The following EXD3 variants were observed in gnomAD, a reference collection of about 807,000 sequenced individuals.
EXD3 encodes the protein exonuclease 3'-5' domain containing 3.
EXD3 carries 92 observed loss-of-function variants against 98.0 expected under a neutral mutation model. The ratio of observed to expected loss-of-function variants is 0.94; its 90% CI spans 0.79 to 1.12. EXD3 has a LOEUF of 1.12. Among genes scored for constraint, EXD3 ranks in the 50% most tolerant of loss-of-function variants. The pLI, the probability that EXD3 is intolerant of heterozygous loss-of-function variation, is 0.00. For synonymous variants in EXD3, 569 were observed against 526.0 expected (o/e 1.08, Z -1.12); for missense variants, 1,222 against 1,191.6 (o/e 1.03, Z -0.38).
intron 10 of EXD3, chr9:137,353,879 GCGTGGGTTCCCA>G: frequency 1.0e-6 from 1 of 989,262 alleles, no homozygotes; most frequent in African/African-American, 1.7e-5. Flanking sequence ...TGCTTCCCCG[GCGTGGGTTCCCA>G]CGTGGACGAC....
intron 1 of EXD3, among the ~76,000 whole-genome samples, chr9:137,416,541 G>A (rs1226291271): frequency 2.0e-5 from 3 of 152,188 alleles, no homozygotes; most frequent in South Asian, 2.1e-4. Flanking sequence ...GCTGGTCCCC[G>A]GGCAGGCATC....
chr9:137,318,885 G>A (rs973881063), intron 19 of EXD3, among the ~76,000 whole-genome samples: 70 of 152,364 alleles, frequency 4.6e-4, no homozygotes, highest in African/African-American at 1.6e-3. Flanking sequence ...TTTGGGCTCA[G>A]CCATGAGCGC....
chr9:137,352,711 C>G lies in EXD3; in HGVS notation c.946G>C (p.Ala316Pro). 1 of 1,568,062 alleles carries G rather than the reference C, an allele frequency of 6.4e-7. No individual in the cohort carries two copies. Among genetic ancestry groups the G allele is most frequent in the Non-Finnish European group, 8.6e-7 (1 of 1,158,060 alleles). The change falls in exon 11 of 22, where the codon GCC (alanine) becomes CCC (proline). Residue 316 changes from alanine to proline, a missense_variant. Physicochemically the swap from Ala to Pro is conservative, Grantham distance 27. Coordinates refer to ENST00000340951, the MANE Select transcript of EXD3 (RefSeq NM_017820.5). Reference protein sequence around the residue: ...LLVSHSDPVTAAQCAMELLLP... With the variant: ...LLVSHSDPVTPAQCAMELLLP... Reference sequence around the variant, plus strand: ...AAGAGTTCCATGGCACACTGGGCGGCCGTGACTGGGTCACTGTGGGAGACC... The same window carrying G: ...AAGAGTTCCATGGCACACTGGGCGGGCGTGACTGGGTCACTGTGGGAGACC...
intron 3 of EXD3, among the ~76,000 whole-genome samples, chr9:137,380,056 A>G (rs1371647188): frequency 6.6e-6 from 1 of 151,516 alleles, no homozygotes; most frequent in African/African-American, 2.4e-5. Flanking sequence ...TCCTGTCCTT[A>G]TCTTGGTGGC....
At chr9:137,322,702 A>G (rs1368618215) in intron 19 of EXD3, among the ~76,000 whole-genome samples, 23 of 22,580 alleles carry the variant, frequency 1.0e-3, no homozygotes, top group South Asian at 9.7e-3. Flanking sequence ...GACCCCCAAG[A>G]GATTCTCTGC....
In EXD3 at chr9:137,346,238, C is replaced by CAAAAAAAAAAAAAAAAAAAAA. The variant is rs563761495; in HGVS notation, c.1998+1812_1998+1832dup. The stretch of plus-strand genomic sequence containing the variant: ...TGGGAGACAGAGCAAGACTCCGTCT[C>CAAAAAAAAAAAAAAAAAAAAA]AAAAAAAAAAAAAAAAAAAAAAAAA... On this transcript the variant is annotated intron_variant, in intron 17 of 21. Transcript: ENST00000340951. Among the ~76,000 whole-genome samples, 16 of 13,614 alleles carry CAAAAAAAAAAAAAAAAAAAAA rather than the reference C, an allele frequency of 1.2e-3. 1 individual carries two copies. The highest frequency in any genetic ancestry group is 4.8e-3 in the Admixed American group (4 of 828). 8.9% of individuals were successfully genotyped at this position (13,614 alleles called of 152,430 possible). A position where few individuals can be genotyped will look rare whatever the true frequency, so the allele number is the denominator to read the frequency against.
At chr9:137,333,493 C>A (rs1244042742) in intron 17 of EXD3, among the ~76,000 whole-genome samples, 1 of 152,202 alleles carries the variant, frequency 6.6e-6, no homozygotes, top group East Asian at 1.9e-4. Context: ...CCGCCCAAAT[C>A]TCATCCTGAA....
chr9:137,351,571 G>A (rs1211613236), intron 12 of EXD3, 43 bp from the exon 13 acceptor site: 1 of 1,535,254 alleles, frequency 6.5e-7, no homozygotes, highest in Non-Finnish European at 8.8e-7. Flanking sequence ...GGGCCAACTT[G>A]GCTCTGCAGG....
chr9:137,372,369 G>A (rs1331285187), intron 5 of EXD3, among the ~76,000 whole-genome samples: 1 of 152,196 alleles, frequency 6.6e-6, no homozygotes, highest in African/African-American at 2.4e-5. Flanking sequence ...GGGGTGCTGT[G>A]GGAGGCGGGG....
intron 2 of EXD3, among the ~76,000 whole-genome samples, chr9:137,390,718 C>T (rs1836860136): frequency 6.6e-6 from 1 of 152,194 alleles, no homozygotes; most frequent in African/African-American, 2.4e-5. Flanking sequence ...CCTCATGTCA[C>T]CCTCATGTCA....
intron 17 of EXD3, among the ~76,000 whole-genome samples, chr9:137,333,836 C>A (rs1209075649): frequency 1.3e-5 from 2 of 151,818 alleles, no homozygotes; most frequent in East Asian, 1.9e-4. Context: ...TTCTTTTTTT[C>A]TTTTCTTTTC....
At chr9:137,383,261 G>A in intron 3 of EXD3, 52 bp downstream of exon 3, 2 of 1,458,656 alleles carry the variant, frequency 1.4e-6, no homozygotes, top group African/African-American at 2.8e-5. Context: ...CTGCCCAACA[G>A]TCAGTTCTGC....
At chr9:137,416,556 C>A (rs1032274144) in intron 1 of EXD3, among the ~76,000 whole-genome samples, 10 of 152,184 alleles carry the variant, frequency 6.6e-5, no homozygotes, top group Admixed American at 6.5e-4. Flanking sequence ...GGCATCCGGA[C>A]CCTCGTCAGC....
At chr9:137,390,694 T>C (rs1427396181) in intron 2 of EXD3, among the ~76,000 whole-genome samples, 1 of 152,190 alleles carries the variant, frequency 6.6e-6, no homozygotes, top group African/African-American at 2.4e-5. Context: ...CAGCTGTGAC[T>C]TCCCTCCGGT....
At chr9:137,418,047 C>T (rs543095316) in intron 1 of EXD3, among the ~76,000 whole-genome samples, 56 of 152,208 alleles carry the variant, frequency 3.7e-4, no homozygotes, top group Non-Finnish European at 1.5e-4. Context: ...GCCACTTCTC[C>T]TATTAATCTC....
intron 20 of EXD3, 31 bp from the exon 21 acceptor site, chr9:137,307,677 A>G (rs773435282): frequency 3.7e-6 from 6 of 1,606,428 alleles, no homozygotes; most frequent in Non-Finnish European, 4.2e-6. Flanking sequence ...CTGGTCCGGG[A>G]CTGTCCTAGG....
chr9:137,408,546 C>CAAAAAAAAAAAAAAA lies in EXD3; in HGVS notation c.-47-13157_-47-13143dup, dbSNP rs570243090. Among the ~76,000 whole-genome samples, 57 of 44,470 alleles carry CAAAAAAAAAAAAAAA rather than the reference C, an allele frequency of 1.3e-3. 4 individuals carry two copies. The highest frequency in any genetic ancestry group is 1.8e-3 in the African/African-American group (17 of 9,358). 29.2% of individuals were successfully genotyped at this position (44,470 alleles called of 152,430 possible). A position where few individuals can be genotyped will look rare whatever the true frequency, so the allele number is the denominator to read the frequency against. ...TGGGCGATAGAGTGAGACTCTGCCT[C>CAAAAAAAAAAAAAAA]AAAAAAAAAAAAAAAAAAAGAGGGC... On this transcript the variant is annotated intron_variant, in intron 1 of 21. Coordinates refer to ENST00000340951, the MANE Select transcript of EXD3 (RefSeq NM_017820.5).
chr9:137,401,115 C>T (rs1364485792), intron 1 of EXD3, among the ~76,000 whole-genome samples: 2 of 151,790 alleles, frequency 1.3e-5, no homozygotes, highest in Non-Finnish European at 2.9e-5. Flanking sequence ...AGGCAGTGTC[C>T]CAGTAGGGAC....
intron 17 of EXD3, among the ~76,000 whole-genome samples, chr9:137,334,205 T>C (rs1041109864): frequency 7.2e-5 from 11 of 152,348 alleles, no homozygotes; most frequent in African/African-American, 2.4e-4. Context: ...TTTCACCATG[T>C]TGGCCGGGCT....
Sources: gnomAD v4.1 joint callset for allele counts (sites outside exome capture counted in the v4.1 genomes callset) on GRCh38, gnomAD v4.1.1 for gene constraint, MANE v1.5 for transcripts, NCBI Gene and HGNC (gene_info 2026-07-23, HGNC 2026-07-21) for gene names.